HS2ST1: variants seen among roughly 807,000 people sequenced by gnomAD.
The protein encoded by HS2ST1 is heparan sulfate 2-O-sulfotransferase 1.
In HS2ST1, 18 loss-of-function variants were observed where a neutral mutation model predicts 42.9. The observed-to-expected ratio is 0.42, with a 90% CI of 0.29 to 0.62. The LOEUF (loss-of-function observed/expected upper bound fraction) is 0.62. HS2ST1 is among the 20% of genes least tolerant of loss of function. The probability of loss-of-function intolerance (pLI) is 0.21; values close to 1 mark genes in which losing one functional copy is unlikely to be tolerated. For synonymous variants in HS2ST1, 146 were observed against 152.9 expected (o/e 0.95, Z 0.33); for missense variants, 334 against 433.8 (o/e 0.77, Z 2.04).
intron 1 of HS2ST1, among the ~76,000 whole-genome samples, chr1:87,015,173 CG>C: frequency 6.6e-6 from 1 of 151,964 alleles, no homozygotes. Context: ...TTCAGCCTCC[CG>C]AGTAGCTGGG....
chr1:87,032,894 C>T (rs1650273743), intron 1 of HS2ST1, among the ~76,000 whole-genome samples: 1 of 152,198 alleles, frequency 6.6e-6, no homozygotes, highest in African/African-American at 2.4e-5. Context: ...ACAGCTGACT[C>T]AGTTAGACCA....
At chr1:86,934,150 T>C (rs1660597105) in intron 1 of HS2ST1, among the ~76,000 whole-genome samples, 1 of 152,142 alleles carries the variant, frequency 6.6e-6, no homozygotes, top group South Asian at 2.1e-4. Context: ...GGCTGGAGTT[T>C]TGTATTTCTC....
chr1:87,067,820 A>G (rs1651292794), intron 1 of HS2ST1, among the ~76,000 whole-genome samples: 1 of 152,210 alleles, frequency 6.6e-6, no homozygotes, highest in South Asian at 2.1e-4. Context: ...CTTATTAAAT[A>G]GGGAATCCTT....
At chr1:87,083,974 G>A (rs1205137018) in intron 2 of HS2ST1, among the ~76,000 whole-genome samples, 1 of 152,124 alleles carries the variant, frequency 6.6e-6, no homozygotes, top group African/African-American at 2.4e-5. Context: ...TTTGTTTTCA[G>A]AATCATCTTT....
chr1:87,067,809 G>A (rs964189063), intron 1 of HS2ST1, among the ~76,000 whole-genome samples: 24 of 152,054 alleles, frequency 1.6e-4, no homozygotes, highest in South Asian at 8.3e-4. Flanking sequence ...TCCCAACACC[G>A]CTTATTAAAT....
chr1:86,991,296 G>A (rs1298186358), intron 1 of HS2ST1, among the ~76,000 whole-genome samples: 2 of 152,078 alleles, frequency 1.3e-5, no homozygotes, highest in African/African-American at 4.8e-5. Flanking sequence ...TAGCCCCCCT[G>A]AACATGAAAC....
intron 2 of HS2ST1, among the ~76,000 whole-genome samples, chr1:87,076,495 G>A (rs542681696): frequency 7.9e-5 from 12 of 152,116 alleles, no homozygotes; most frequent in Non-Finnish European, 1.5e-4. Flanking sequence ...CATCTTTTCT[G>A]TAGTTTAGAA....
At chr1:86,918,719 C>T (rs1316826883) in intron 1 of HS2ST1, among the ~76,000 whole-genome samples, 1 of 151,956 alleles carries the variant, frequency 6.6e-6, no homozygotes, top group Non-Finnish European at 1.5e-5. Context: ...GTAATCTACA[C>T]TGCCAGCACA....
chr1:87,034,360 C>T (rs1570500284), intron 1 of HS2ST1, among the ~76,000 whole-genome samples: 1 of 152,184 alleles, frequency 6.6e-6, no homozygotes, highest in East Asian at 1.9e-4. Context: ...TTTTTGTGAT[C>T]TGTGGTCTCC....
chr1:86,983,425 A>C (rs1648657514), intron 1 of HS2ST1, among the ~76,000 whole-genome samples: 1 of 152,086 alleles, frequency 6.6e-6, no homozygotes, highest in Non-Finnish European at 1.5e-5. Flanking sequence ...AGTGCAGGGG[A>C]AACTGCCACT....
At chr1:87,030,477 G>A (rs900274713) in intron 1 of HS2ST1, among the ~76,000 whole-genome samples, 1 of 152,010 alleles carries the variant, frequency 6.6e-6, no homozygotes, top group African/African-American at 2.4e-5. Context: ...CAACCTGGGT[G>A]ACAGAGTGAG....
Position 87,084,218 on chromosome 1 carries a change from T to G in HS2ST1, c.388T>G (p.Ser130Ala). 4 of 1,604,238 alleles carry G rather than the reference T, an allele frequency of 2.5e-6. No individual in the cohort carries two copies. The highest frequency in any genetic ancestry group is 2.6e-6 in the Non-Finnish European group (3 of 1,175,142). ...DQVRFVKNIT[S>A]WKEMKPGFYH... is the part of the protein sequence containing the mutation. ...GGTGCGCTTTGTAAAGAATATAACTTCCTGGAAAGAGATGAAACCAGGATT... is the reference window on the plus strand; with the variant it reads ...GGTGCGCTTTGTAAAGAATATAACTGCCTGGAAAGAGATGAAACCAGGATT... Residue 130 changes from serine (S) to alanine (A), a missense_variant, in exon 3 of 7, where the codon TCC becomes GCC. Ser to Ala is a moderately conservative substitution (Grantham distance 99). Transcript: ENST00000370550.
At chr1:86,923,943 T>A (rs1660357752) in intron 1 of HS2ST1, among the ~76,000 whole-genome samples, 1 of 152,124 alleles carries the variant, frequency 6.6e-6, no homozygotes. Context: ...CCCAAAGTCT[T>A]AACTCATTTC....
At chr1:87,045,177 G>A in intron 1 of HS2ST1, 1 of 889,940 alleles carries the variant, frequency 1.1e-6, no homozygotes, top group African/African-American at 1.6e-5. Flanking sequence ...AGCATCTTCA[G>A]CTTGTTTTGG....
intron 1 of HS2ST1, among the ~76,000 whole-genome samples, chr1:87,065,081 G>A (rs922650088): frequency 6.6e-6 from 1 of 152,206 alleles, no homozygotes; most frequent in Non-Finnish European, 1.5e-5. Flanking sequence ...TGGCTGGGCA[G>A]TCAACTCACA....
chr1:87,089,283 C>G (rs925436966), intron 3 of HS2ST1, among the ~76,000 whole-genome samples: 5 of 152,042 alleles, frequency 3.3e-5, no homozygotes, highest in Non-Finnish European at 7.4e-5. Flanking sequence ...AATGAAATTC[C>G]TAAAATATCT....
chr1:87,042,017 A>AT (rs1309602107), intron 1 of HS2ST1, among the ~76,000 whole-genome samples: 1 of 151,924 alleles, frequency 6.6e-6, no homozygotes, highest in South Asian at 2.1e-4. Context: ...TTTGTGTTTA[A>AT]TTTTTTTTAA....
Position 87,021,105 on chromosome 1 carries a change from C to T in HS2ST1, c.125-51829C>T, listed in dbSNP as rs78935344. On this transcript the variant is annotated intron_variant, in intron 1 of 6. Coordinates refer to ENST00000370550, the MANE Select transcript of HS2ST1 (RefSeq NM_012262.4). ...AAGGAATTTAGTGCAGGGTGTCTAC[C>T]TTAAGATTTTCACTGATTTGCCTTA... Among the ~76,000 whole-genome samples, 234 of 152,188 alleles carry T rather than the reference C, an allele frequency of 1.5e-3. 5 individuals are homozygous for T. In the East Asian group the frequency reaches 0.041, roughly 26 times the overall value.
In HS2ST1 at chr1:86,990,836, ATTTTTT is replaced by A. The variant is rs55739816; in HGVS notation, c.124+75694_124+75699del. On this transcript the variant is annotated intron_variant, in intron 1 of 6. Coordinates refer to ENST00000370550, the MANE Select transcript of HS2ST1 (RefSeq NM_012262.4). The stretch of plus-strand genomic sequence containing the variant: ...TTTATATATATATATATATATATAT[ATTTTTT>A]TTTTTTTTTTTTTTTTTAGTAGAGA... Among the ~76,000 whole-genome samples, 98 of 44,218 alleles carry A rather than the reference ATTTTTT, an allele frequency of 2.2e-3. 2 individuals carry two copies. Among genetic ancestry groups the A allele is most frequent in the African/African-American group, 2.9e-3 (36 of 12,616 alleles). 29.0% of individuals were successfully genotyped at this position (44,218 alleles called of 152,430 possible). A position where few individuals can be genotyped will look rare whatever the true frequency, so the allele number is the denominator to read the frequency against.
Sources: gnomAD v4.1 joint callset for allele counts (sites outside exome capture counted in the v4.1 genomes callset) on GRCh38, gnomAD v4.1.1 for gene constraint, MANE v1.5 for transcripts, NCBI Gene and HGNC (gene_info 2026-07-23, HGNC 2026-07-21) for gene names.